Variants in TMEM131L observed in about 807,000 individuals in gnomAD.
TMEM131L encodes transmembrane protein 131-like.
TMEM131L carries 54 observed loss-of-function variants against 192.2 expected under a neutral mutation model. That is an observed-to-expected ratio of 0.28 (90% CI 0.23 to 0.35). TMEM131L has a LOEUF of 0.35. Ranked by LOEUF, TMEM131L falls within the 10% of genes least tolerant of loss-of-function variation. The pLI is 1.00. For synonymous variants in TMEM131L, 701 were observed against 704.9 expected, an observed-to-expected ratio of 0.99 and a Z score of 0.09; for missense variants, 1,888 against 1,972.9, an observed-to-expected ratio of 0.96 and a Z score of 0.82.
intron 16 of TMEM131L, 140 bp downstream of exon 16, chr4:153,589,147 C>CCTG: frequency 2.2e-6 from 1 of 462,274 alleles, no homozygotes; most frequent in Non-Finnish European, 3.8e-6. Flanking sequence ...ACCCTATATA[C>CCTG]TATGCATGAA....
At position 153,635,511 on chromosome 4, in the gene TMEM131L, C is replaced by G. The variant is rs1734507026; in HGVS notation, c.4497C>G (p.Thr1499=). The G allele has an allele frequency of 6.2e-7, 1 of 1,614,060 alleles. No homozygotes were observed. The highest frequency in any genetic ancestry group is 1.3e-5 in the African/African-American group (1 of 74,926). ...TDFIDHNSQS[T]WNTPPNMPAA... ...TTATTGATCACAACTCTCAGTCTAC[C>G]TGGAACACCCCACCCAACATGCCTG... is the stretch of plus-strand genomic sequence containing the variant. Residue 1499 remains threonine, a synonymous_variant, in exon 34 of 35, where the codon ACC becomes ACG. Transcript: ENST00000409959.
chr4:153,556,864 A>G (rs764422680), intron 5 of TMEM131L, 102 bp from the exon 6 acceptor site: 1 of 664,784 alleles, frequency 1.5e-6, no homozygotes, highest in Non-Finnish European at 2.7e-6. Flanking sequence ...TGCACAATAT[A>G]CAAATGTCTG....
At position 153,482,192 on chromosome 4, in the gene TMEM131L, A is replaced by G. The variant is rs116097676; in HGVS notation, c.239+8304A>G. Among the ~76,000 whole-genome samples, 801 of 152,094 alleles carry G rather than the reference A, an allele frequency of 5.3e-3. 10 individuals carry two copies. Among genetic ancestry groups the G allele is most frequent in the African/African-American group, 0.019 (775 of 41,508 alleles). On this transcript the variant is annotated intron_variant, in intron 3 of 34. Transcript: ENST00000409959. ...TTCTGTAGTTGGTTGTTTTTTTCTT[A>G]AAGAGGATGGGTTATTCACTCTATC...
intron 2 of TMEM131L, among the ~76,000 whole-genome samples, chr4:153,470,421 T>C (rs1731071021): frequency 6.6e-6 from 1 of 152,126 alleles, no homozygotes; most frequent in Non-Finnish European, 1.5e-5. Flanking sequence ...TGCTCTATGA[T>C]TGTAAAGTTG....
intron 3 of TMEM131L, among the ~76,000 whole-genome samples, chr4:153,533,557 A>G (rs532459765): frequency 3.9e-5 from 6 of 152,294 alleles, no homozygotes; most frequent in East Asian, 1.9e-4. Flanking sequence ...GCAATAACCA[A>G]TGTTGCTGAT....
In TMEM131L at chr4:153,584,893, A is replaced by G; in HGVS notation, c.1119A>G (p.Pro373=). Residue 373 remains proline, a synonymous_variant, in exon 12 of 35, where the codon CCA becomes CCG. Transcript: ENST00000409959. ...ATGTGAAGAAAACAACACACACTCC[A>G]ACACTAAAAGCATGCCTCTTCTCTT... ...IEDVKKTTHT[P]TLKACLFSSV... 1 of 1,614,144 alleles carries G rather than the reference A, an allele frequency of 6.2e-7. No homozygotes were observed. Among genetic ancestry groups the G allele is most frequent in the Non-Finnish European group, 8.5e-7 (1 of 1,179,952 alleles).
rs759083297 is a variant in TMEM131L at position 153,602,337 on chromosome 4, G to A, written c.2452G>A (p.Val818Met). The change falls in exon 22 of 35, where the codon GTG becomes ATG. Residue 818 changes from valine (V) to methionine (M), a missense_variant and splice_region_variant. Coordinates refer to ENST00000409959, the MANE Select transcript of TMEM131L (RefSeq NM_001131007.2). ...AAACACATCCCGCGATATCAGCATT[G>A]TGTAAGCATTGGGCTTTAACTTGAT... Reference protein sequence around the residue: ...DPNTSRDISIVFTPDFTSSWV... With the variant: ...DPNTSRDISIMFTPDFTSSWV... The A allele has an allele frequency of 2.8e-5, 45 of 1,611,018 alleles. No homozygotes were observed. In the East Asian group the frequency reaches 9.6e-4, roughly 34 times the overall value.
At chr4:153,467,320 G>A (rs1265988332) in intron 2 of TMEM131L, 39 bp downstream of exon 2, 5 of 1,522,696 alleles carry the variant, frequency 3.3e-6, no homozygotes, top group Non-Finnish European at 3.6e-6. Context: ...GTGGGTGTAC[G>A]AGGGAGGAGA....
chr4:153,612,017 T>TCCC (rs70963192), intron 25 of TMEM131L, among the ~76,000 whole-genome samples: 201 of 151,710 alleles, frequency 1.3e-3, no homozygotes, highest in Non-Finnish European at 2.3e-3. Flanking sequence ...AATATTGGTG[T>TCCC]CCCCCCCCAC....
At position 153,557,025 on chromosome 4, in the gene TMEM131L, A is replaced by T. The variant is rs1189743487; in HGVS notation, c.492A>T (p.Gly164=). 6.3e-7 allele frequency: 1 copy of T among 1,599,190 alleles called. No individual in the cohort carries two copies. The highest frequency in any genetic ancestry group is 8.6e-7 in the Non-Finnish European group (1 of 1,167,738). Residue 164 remains glycine, a synonymous_variant, in exon 6 of 35, where the codon GGA becomes GGT. Coordinates refer to ENST00000409959, the MANE Select transcript of TMEM131L (RefSeq NM_001131007.2). ...FRIIFLPTEE[G]SIESSLFINT... is the part of the protein sequence containing the mutation. ...TTATTTTCTTACCTACTGAAGAAGG[A>T]AGCATTGAAAGTTCCTTATTTATTA...
At chr4:153,467,374 A>G in intron 2 of TMEM131L, 93 bp downstream of exon 2, 1 of 1,127,140 alleles carries the variant, frequency 8.9e-7, no homozygotes, top group Non-Finnish European at 1.3e-6. Flanking sequence ...TCCAAGCGGC[A>G]CAGGCGTTCG....
chr4:153,536,521 A>C lies in TMEM131L; in HGVS notation c.240-13552A>C, dbSNP rs541465851. Among the ~76,000 whole-genome samples, 3 of 152,148 alleles carry C rather than the reference A, an allele frequency of 2.0e-5. No individual in the cohort carries two copies. In the South Asian group the frequency reaches 6.2e-4, roughly 32 times the overall value. On this transcript the variant is annotated intron_variant, in intron 3 of 34. Coordinates refer to ENST00000409959, the MANE Select transcript of TMEM131L (RefSeq NM_001131007.2). ...GAGTTCTGTTGGAGGCATTCTGCCC[A>C]CCTCCCCACAACCTCTAATAAAAGA...
chr4:153,552,943 G>GT (rs1035315414), intron 4 of TMEM131L, among the ~76,000 whole-genome samples: 8 of 120,768 alleles, frequency 6.6e-5, no homozygotes, highest in African/African-American at 3.5e-4. Context: ...GTTATTTTTT[G>GT]TGTTTTTTTT....
At chr4:153,533,394 G>GCTGC (rs1736069273) in intron 3 of TMEM131L, among the ~76,000 whole-genome samples, 3 of 152,314 alleles carry the variant, frequency 2.0e-5, no homozygotes, top group Middle Eastern at 3.4e-3. Context: ...CGGAGGGGAG[G>GCTGC]CTGCCAATCA....
At chr4:153,507,994 A>G (rs1734100493) in intron 3 of TMEM131L, among the ~76,000 whole-genome samples, 1 of 152,202 alleles carries the variant, frequency 6.6e-6, no homozygotes, top group African/African-American at 2.4e-5. Flanking sequence ...TGGAGGAAAG[A>G]CTGGAGGCAA....
chr4:153,578,767 G>A (rs538176131), intron 7 of TMEM131L, among the ~76,000 whole-genome samples: 69 of 151,710 alleles, frequency 4.5e-4, no homozygotes, highest in African/African-American at 1.6e-3. Flanking sequence ...TGATCCACCC[G>A]CCTCGGCCTC....
At chr4:153,546,448 G>A (rs1737182420) in intron 3 of TMEM131L, among the ~76,000 whole-genome samples, 1 of 152,110 alleles carries the variant, frequency 6.6e-6, no homozygotes, top group Non-Finnish European at 1.5e-5. Flanking sequence ...CAAGAAAGGG[G>A]GGAAAAGGAG....
At chr4:153,556,848 T>TAAATC (rs10639508) in intron 5 of TMEM131L, 118 bp from the exon 6 acceptor site, 230,409 of 617,800 alleles carry the variant, frequency 0.37, 47,484 homozygotes, top group African/African-American at 0.68. Context: ...ATAATACTGA[T>TAAATC]AAGGGTGCAC....
At chr4:153,623,503 T>C (rs1733602764) in intron 29 of TMEM131L, among the ~76,000 whole-genome samples, 1 of 152,224 alleles carries the variant, frequency 6.6e-6, no homozygotes, top group Non-Finnish European at 1.5e-5. Flanking sequence ...ACAATAACTC[T>C]GCATTGCTCC....
Sources: allele counts gnomAD v4.1 joint callset (sites outside exome capture counted in the v4.1 genomes callset), GRCh38; gene constraint gnomAD v4.1.1; transcripts MANE v1.5; gene names NCBI Gene and HGNC (gene_info 2026-07-23, HGNC 2026-07-21).